Variants in FSIP2 observed in about 807,000 individuals in gnomAD.
FSIP2 encodes the protein fibrous sheath-interacting protein 2.
FSIP2 carries 367 observed loss-of-function variants against 510.5 expected under a neutral mutation model. That is an observed-to-expected ratio of 0.72 (90% CI 0.66 to 0.78). The LOEUF is 0.78. FSIP2 is among the 30% of genes least tolerant of loss of function. The pLI, the probability that FSIP2 is intolerant of heterozygous loss-of-function variation, is 0.00. For synonymous variants in FSIP2, 2,601 were observed against 2,732.2 expected (o/e 0.95, Z 1.50); for missense variants, 7,594 against 7,901.7 (o/e 0.96, Z 1.48).
intron 2 of FSIP2, among the ~76,000 whole-genome samples, chr2:185,742,573 T>C (rs1691945374): frequency 6.6e-6 from 1 of 152,214 alleles, no homozygotes; most frequent in Non-Finnish European, 1.5e-5. Context: ...AGATTGTTGG[T>C]TCCTTGCATT....
chr2:185,761,071 G>A lies in FSIP2; in HGVS notation c.1162G>A (p.Ala388Thr), dbSNP rs1043253663. The A allele has an allele frequency of 1.3e-5, 19 of 1,465,704 alleles. No homozygotes were observed. Among genetic ancestry groups the A allele is most frequent in the Non-Finnish European group, 1.3e-5 (14 of 1,088,558 alleles). 90.8% of individuals were successfully genotyped at this position (1,465,704 alleles called of 1,614,324 possible). ...KKNSASVVYQ[A>T]DVQDNGINQK... ...AAACTCAGCTTCTGTTGTTTATCAG[G>A]CAGATGTACAGGATAATGGTATAAA... Residue 388 changes from alanine to threonine, a missense_variant, in exon 10 of 23, where the codon GCA (alanine) becomes ACA (threonine). Coordinates refer to ENST00000424728, the MANE Select transcript of FSIP2 (RefSeq NM_173651.4).
Position 185,797,219 on chromosome 2 carries a change from A to T in FSIP2, c.10083A>T (p.Ile3361=). 1 of 1,535,120 alleles carries T rather than the reference A, an allele frequency of 6.5e-7. No homozygotes were observed. Among genetic ancestry groups the T allele is most frequent in the Non-Finnish European group, 8.7e-7 (1 of 1,146,272 alleles). Residue 3361 remains isoleucine (I), a synonymous_variant, in exon 16 of 23, where the codon ATA becomes ATT. Transcript: ENST00000424728. ...GGGAAATAATGAAACCATTTTTCAT[A>T]TCAAAACAAAGCTCTTTATCTGAAG... is the stretch of plus-strand genomic sequence containing the variant. The part of the protein sequence containing the change: ...ENREIMKPFF[I]SKQSSLSEVS...
rs1693285704 is a variant in FSIP2 at position 185,796,632 on chromosome 2, A to G, written c.9496A>G (p.Met3166Val). Residue 3166 changes from methionine (M) to valine (V), a missense_variant, in exon 16 of 23, where the codon ATG becomes GTG. By Grantham distance (21) the Met-to-Val change is conservative. Coordinates refer to ENST00000424728, the MANE Select transcript of FSIP2 (RefSeq NM_173651.4). ...GGTTGAATTAGCAACTAATATGAAA[A>G]TGTTCACATCAAAGTTAAAGGAAGG... ...NQVELATNMK[M>V]FTSKLKEGSL... The G allele has an allele frequency of 6.5e-7, 1 of 1,535,040 alleles. No homozygotes were observed. The highest frequency in any genetic ancestry group is 8.7e-7 in the Non-Finnish European group (1 of 1,146,226).
intron 17 of FSIP2, among the ~76,000 whole-genome samples, chr2:185,809,430 G>A (rs1295066967): frequency 1.3e-5 from 2 of 151,952 alleles, no homozygotes; most frequent in East Asian, 3.9e-4. Context: ...AAACCAGACT[G>A]ACAGAAGTTA....
At chr2:185,767,180 A>C (rs1341061049) in intron 13 of FSIP2, among the ~76,000 whole-genome samples, 3 of 136,430 alleles carry the variant, frequency 2.2e-5, no homozygotes, top group South Asian at 2.6e-4. Flanking sequence ...GGGTGGGGGC[A>C]GGGGGGAGGG....
chr2:185,753,590 A>G (rs774353012), intron 7 of FSIP2, 132 bp from the exon 8 acceptor site: 76 of 495,650 alleles, frequency 1.5e-4, no homozygotes, highest in Non-Finnish European at 2.1e-4. Context: ...CTACTCTCTT[A>G]TTTTTGTACC....
chr2:185,767,604 C>A (rs558025134), intron 13 of FSIP2, among the ~76,000 whole-genome samples: 112 of 152,216 alleles, frequency 7.4e-4, no homozygotes, highest in Non-Finnish European at 1.5e-3. Context: ...GATGTTGTCA[C>A]AAATGGCAGG....
At chr2:185,779,906 ATGAG>A (rs1201408494) in intron 13 of FSIP2, among the ~76,000 whole-genome samples, 1 of 151,062 alleles carries the variant, frequency 6.6e-6, no homozygotes, top group African/African-American at 2.4e-5. Context: ...GTCCAAGGGT[ATGAG>A]TAAGTTTCAG....
chr2:185,742,106 G>A (rs562958326), intron 2 of FSIP2, among the ~76,000 whole-genome samples: 2 of 152,168 alleles, frequency 1.3e-5, no homozygotes, highest in East Asian at 3.9e-4. Context: ...CTGAGCCAGT[G>A]CCTGATTTAA....
chr2:185,797,556 T>C (rs1357565671), intron 16 of FSIP2, 30 bp downstream of exon 16: 13 of 1,470,534 alleles, frequency 8.8e-6, no homozygotes, highest in Middle Eastern at 3.5e-4. Context: ...CCTAAAAATT[T>C]GCATGATTTA....
intron 19 of FSIP2, among the ~76,000 whole-genome samples, chr2:185,816,550 A>G (rs1314173527): frequency 6.6e-6 from 1 of 151,856 alleles, no homozygotes; most frequent in Admixed American, 6.6e-5. Flanking sequence ...CAATCAAGAA[A>G]AAGCTGGCTG....
intron 13 of FSIP2, among the ~76,000 whole-genome samples, chr2:185,767,412 T>C (rs1692511262): frequency 1.3e-5 from 2 of 152,164 alleles, no homozygotes; most frequent in Admixed American, 6.5e-5. Flanking sequence ...CACACTGTTG[T>C]ACATTAGATC....
chr2:185,760,932 C>T, intron 9 of FSIP2, 56 bp from the exon 10 acceptor site: 1 of 578,492 alleles, frequency 1.7e-6, no homozygotes, highest in Non-Finnish European at 2.8e-6. Context: ...ATTGTACTTT[C>T]CTAAAGCTGT....
chr2:185,756,585 T>A (rs12991700), intron 9 of FSIP2, among the ~76,000 whole-genome samples: 4 of 151,190 alleles, frequency 2.6e-5, no homozygotes, highest in African/African-American at 7.3e-5. Flanking sequence ...ATATTTTTGC[T>A]CAAAATAATC....
rs1693431244 is a variant in FSIP2 at position 185,801,373 on chromosome 2, G to A, written c.12067G>A (p.Val4023Ile). The A allele has an allele frequency of 6.5e-7, 1 of 1,533,978 alleles. No homozygotes were observed. Among genetic ancestry groups the A allele is most frequent in the African/African-American group, 1.4e-5 (1 of 72,820 alleles). The change falls in exon 17 of 23, where the codon GTC becomes ATC. Residue 4023 changes from valine (V) to isoleucine (I), a missense_variant. Coordinates refer to ENST00000424728, the MANE Select transcript of FSIP2 (RefSeq NM_173651.4). ...AGTGAATGAATTTAATAATGCTCAA[G>A]TCACTGTTCTACGGAATGCTGAAGA... ...NVVNEFNNAQ[V>I]TVLRNAEERL... is the part of the protein sequence containing the mutation.
Position 185,797,359 on chromosome 2 carries a change from C to CT in FSIP2, c.10229dup (p.Leu3410PhefsTer19). 2.0e-6 allele frequency: 3 copies of CT among 1,528,262 alleles called. No homozygotes were observed. Among genetic ancestry groups the CT allele is most frequent in the African/African-American group, 1.4e-5 (1 of 72,284 alleles). 94.7% of individuals were successfully genotyped at this position (1,528,262 alleles called of 1,614,324 possible). A position where few individuals can be genotyped will look rare whatever the true frequency, so the allele number is the denominator to read the frequency against. ...CTTGAAGCCAGCCGGGAAGATTCTTCTTTTTTGCAAAAATTGAAAAAAAAG... is the reference window on the plus strand; with the variant it reads ...CTTGAAGCCAGCCGGGAAGATTCTTCTTTTTTTGCAAAAATTGAAAAAAAAG... On this transcript the variant is annotated frameshift_variant, in exon 16 of 23. Coordinates refer to ENST00000424728, the MANE Select transcript of FSIP2 (RefSeq NM_173651.4). LOFTEE classifies it high-confidence loss of function.
rs775853464 is a variant in FSIP2 at position 185,791,148 on chromosome 2, G to A, written c.4012G>A (p.Asp1338Asn). The A allele has an allele frequency of 2.0e-6, 3 of 1,533,126 alleles. No homozygotes were observed. The South Asian group carries it at 3.6e-5, about 18-fold the overall frequency. 95.0% of individuals were successfully genotyped at this position (1,533,126 alleles called of 1,614,324 possible). A position where few individuals can be genotyped will look rare whatever the true frequency, so the allele number is the denominator to read the frequency against. ...AGATAAAGGATTTTTTGCTAATACTGATAAAAAATTAGAATCTCTTGTCAC... is the reference window on the plus strand; with the variant it reads ...AGATAAAGGATTTTTTGCTAATACTAATAAAAAATTAGAATCTCTTGTCAC... ...LTDKGFFANT[D>N]KKLESLVTSI... Residue 1338 changes from aspartate (D) to asparagine (N), a missense_variant, in exon 16 of 23, where the codon GAT becomes AAT. By Grantham distance (23) the Asp-to-Asn change is conservative. Transcript: ENST00000424728.
chr2:185,789,141 A>C lies in FSIP2; in HGVS notation c.2005A>C (p.Ser669Arg), dbSNP rs1196022938. ...TAAGGATGCTACCACTGAAACAGAT[A>C]GCTTAGGGAGTTCATTGCATTGTGA... ...KSKDATTETD[S>R]LGSSLHCDKT... The change falls in exon 16 of 23, where the codon AGC becomes CGC. Residue 669 changes from serine (S) to arginine (R), a missense_variant. Transcript: ENST00000424728. 1 of 1,535,110 alleles carries C rather than the reference A, an allele frequency of 6.5e-7. No individual in the cohort carries two copies. The highest frequency in any genetic ancestry group is 8.7e-7 in the Non-Finnish European group (1 of 1,146,036).
upstream of FSIP2, chr2:185,738,458 G>C (rs1691831398): frequency 7.2e-6 from 5 of 696,916 alleles, no homozygotes; most frequent in South Asian, 9.5e-5. Context: ...CTGGGGATGG[G>C]GTGTGGTCTA....
Sources: allele counts gnomAD v4.1 joint callset (sites outside exome capture counted in the v4.1 genomes callset), GRCh38; gene constraint gnomAD v4.1.1; transcripts MANE v1.5; gene names NCBI Gene and HGNC (gene_info 2026-07-23, HGNC 2026-07-21).